The following ADGRB3 variants were observed in gnomAD, a reference collection of about 807,000 sequenced individuals.
ADGRB3 encodes brain-specific angiogenesis inhibitor 3.
Under a neutral mutation model 193.4 loss-of-function variants are expected in ADGRB3, and 37 were observed. The observed-to-expected ratio is 0.19, with a 90% CI of 0.15 to 0.25. The LOEUF is 0.25. Ranked by LOEUF, ADGRB3 falls within the 10% of genes least tolerant of loss-of-function variation. The pLI is 1.00. For synonymous variants in ADGRB3, 690 were observed against 644.2 expected, an observed-to-expected ratio of 1.07 and a Z score of -1.08; for missense variants, 1,637 against 1,852.9, an observed-to-expected ratio of 0.88 and a Z score of 2.14.
intron 3 of ADGRB3, among the ~76,000 whole-genome samples, chr6:68,783,683 G>A (rs1002317650): frequency 2.0e-5 from 3 of 151,912 alleles, no homozygotes; most frequent in African/African-American, 7.2e-5. Flanking sequence ...GCACATCATA[G>A]TCAAGAGATA....
At chr6:68,651,512 T>G (rs1414114561) in intron 3 of ADGRB3, among the ~76,000 whole-genome samples, 1 of 152,174 alleles carries the variant, frequency 6.6e-6, no homozygotes, top group African/African-American at 2.4e-5. Flanking sequence ...ATATTACATG[T>G]GCTTGCCTCT....
intron 17 of ADGRB3, among the ~76,000 whole-genome samples, chr6:69,157,506 C>T (rs1388568021): frequency 6.6e-6 from 1 of 152,104 alleles, no homozygotes; most frequent in Non-Finnish European, 1.5e-5. Context: ...GTAGACCTCA[C>T]TCACAACAGA....
At chr6:69,242,600 A>T (rs1050425627) in intron 20 of ADGRB3, among the ~76,000 whole-genome samples, 68 of 152,064 alleles carry the variant, frequency 4.5e-4, no homozygotes, top group African/African-American at 1.6e-3. Context: ...TTCTTTTTGA[A>T]TTGAAATGTA....
At chr6:68,907,923 C>A (rs2150235861) in intron 3 of ADGRB3, among the ~76,000 whole-genome samples, 1 of 151,696 alleles carries the variant, frequency 6.6e-6, no homozygotes, top group Non-Finnish European at 1.5e-5. Context: ...AAAAACAAAC[C>A]CTTCAATGTC....
At chr6:69,297,741 A>G (rs974249835) in intron 20 of ADGRB3, among the ~76,000 whole-genome samples, 2 of 152,068 alleles carry the variant, frequency 1.3e-5, no homozygotes, top group African/African-American at 4.8e-5. Context: ...CTAAAAAAGC[A>G]CCTATAGTTG....
chr6:68,789,055 C>G (rs561469458), intron 3 of ADGRB3, among the ~76,000 whole-genome samples: 1 of 151,878 alleles, frequency 6.6e-6, no homozygotes, highest in African/African-American at 2.4e-5. Flanking sequence ...TGTCTCTGCA[C>G]GTGAGATGGG....
intron 26 of ADGRB3, among the ~76,000 whole-genome samples, chr6:69,341,713 T>C (rs994788346): frequency 6.6e-5 from 10 of 152,144 alleles, no homozygotes; most frequent in African/African-American, 1.9e-4. Context: ...AACTATCTTA[T>C]GGGTCTTCTA....
At chr6:68,834,551 G>A (rs1330937053) in intron 3 of ADGRB3, among the ~76,000 whole-genome samples, 2 of 152,174 alleles carry the variant, frequency 1.3e-5, no homozygotes, top group Non-Finnish European at 1.5e-5. Context: ...ATAGAACAAA[G>A]CAACTTAAAA....
In ADGRB3 at chr6:68,828,880, T is replaced by C. The variant is rs191551507; in HGVS notation, c.758-101679T>C. On this transcript the variant is annotated intron_variant, in intron 3 of 31. Coordinates refer to ENST00000370598, the MANE Select transcript of ADGRB3 (RefSeq NM_001704.3). The stretch of plus-strand genomic sequence containing the variant: ...GTAGTATTCTTTTACATATGCCCAC[T>C]GTATGACTGGAGTTTATGAGACAGA... Among the ~76,000 whole-genome samples, 10 of 152,252 alleles carry C rather than the reference T, an allele frequency of 6.6e-5. No individual in the cohort carries two copies. In the East Asian group the frequency reaches 1.9e-3, roughly 29 times the overall value.
chr6:69,176,606 T>C (rs1409023446), intron 17 of ADGRB3, among the ~76,000 whole-genome samples: 2 of 152,134 alleles, frequency 1.3e-5, no homozygotes, highest in Admixed American at 6.5e-5. Context: ...GTGGTGTCTT[T>C]GCCAGCTTTG....
intron 3 of ADGRB3, among the ~76,000 whole-genome samples, chr6:68,800,230 C>T (rs1767286017): frequency 6.6e-6 from 1 of 151,988 alleles, no homozygotes; most frequent in African/African-American, 2.4e-5. Context: ...AAAGAAGAGG[C>T]AAGGAGGATT....
intron 17 of ADGRB3, among the ~76,000 whole-genome samples, chr6:69,179,077 A>C (rs993792384): frequency 1.3e-5 from 2 of 152,200 alleles, no homozygotes; most frequent in Non-Finnish European, 2.9e-5. Flanking sequence ...TCTCTCAAGA[A>C]TGCCAGTAAT....
intron 3 of ADGRB3, among the ~76,000 whole-genome samples, chr6:68,772,885 AAAAAAAAAAATATATATATAT>A (rs1766652839): frequency 2.3e-5 from 1 of 42,892 alleles, no homozygotes; most frequent in East Asian, 1.5e-3. Flanking sequence ...AAACAAACAA[AAAAAAAAAAATATATATATAT>A]ATATATATAT....
At chr6:69,199,913 C>T (rs976298912) in intron 17 of ADGRB3, among the ~76,000 whole-genome samples, 1 of 151,930 alleles carries the variant, frequency 6.6e-6, no homozygotes, top group African/African-American at 2.4e-5. Flanking sequence ...ACCTTTATAG[C>T]CTTGTTCAAA....
intron 17 of ADGRB3, among the ~76,000 whole-genome samples, chr6:69,202,787 T>C (rs955555986): frequency 6.6e-6 from 1 of 152,148 alleles, no homozygotes; most frequent in Admixed American, 6.6e-5. Flanking sequence ...TATTGGCAGC[T>C]ACCAGAAATA....
intron 3 of ADGRB3, among the ~76,000 whole-genome samples, chr6:68,660,187 A>G (rs979241278): frequency 6.6e-6 from 1 of 150,530 alleles, no homozygotes; most frequent in Non-Finnish European, 1.5e-5. Flanking sequence ...CTAGATAAAG[A>G]CTAGGCTCAC....
chr6:68,860,996 T>C (rs544656237), intron 3 of ADGRB3, among the ~76,000 whole-genome samples: 1 of 152,152 alleles, frequency 6.6e-6, no homozygotes, highest in Non-Finnish European at 1.5e-5. Context: ...TTCAGACTCA[T>C]TGCATTTAAA....
At chr6:69,057,498 A>T (rs966510840) in intron 15 of ADGRB3, among the ~76,000 whole-genome samples, 1 of 146,832 alleles carries the variant, frequency 6.8e-6, no homozygotes, top group Non-Finnish European at 1.5e-5. Context: ...TTAGGGGAAA[A>T]ACTTTCAGGG....
chr6:69,209,048 C>A (rs1241369005), intron 17 of ADGRB3, among the ~76,000 whole-genome samples: 1 of 152,140 alleles, frequency 6.6e-6, no homozygotes, highest in Non-Finnish European at 1.5e-5. Context: ...CTGTGATTTA[C>A]CTATGAGGTC....
Sources: gnomAD v4.1 joint callset for allele counts (sites outside exome capture counted in the v4.1 genomes callset) on GRCh38, gnomAD v4.1.1 for gene constraint, MANE v1.5 for transcripts, NCBI Gene and HGNC (gene_info 2026-07-23, HGNC 2026-07-21) for gene names.